ACVR1C: variants seen among roughly 807,000 people sequenced by gnomAD.
ACVR1C encodes activin A receptor type 1C.
ACVR1C carries 23 observed loss-of-function variants against 57.9 expected under a neutral mutation model. The ratio of observed to expected loss-of-function variants is 0.40; its 90% CI spans 0.29 to 0.56. ACVR1C has a LOEUF of 0.56. Among genes scored for constraint, ACVR1C ranks in the 20% least tolerant of loss-of-function variants. ACVR1C has a pLI of 0.50. For synonymous variants in ACVR1C, 214 were observed against 215.3 expected (o/e 0.99, Z 0.05); for missense variants, 480 against 607.9 (o/e 0.79, Z 2.21).
At position 157,578,116 on chromosome 2, in the gene ACVR1C, G is replaced by A. The variant is rs528629906; in HGVS notation, c.304+9071C>T. Among the ~76,000 whole-genome samples, 5 of 152,196 alleles carry A rather than the reference G, an allele frequency of 3.3e-5. No individual in the cohort carries two copies. In the South Asian group the frequency reaches 8.3e-4, roughly 25 times the overall value. ...AGCAGGGTCTTGCCATGTTGCCCAG[G>A]CTGATCTCAAACTCTTGAGCTCAAG... On this transcript the variant is annotated intron_variant, in intron 2 of 8. Transcript: ENST00000243349.
intron 1 of ACVR1C, among the ~76,000 whole-genome samples, chr2:157,606,515 C>G (rs1309773119): frequency 3.3e-5 from 5 of 151,836 alleles, no homozygotes; most frequent in Non-Finnish European, 5.9e-5. Context: ...GAGATGATAT[C>G]TCATGGTGGT....
chr2:157,609,972 T>C (rs561993087), intron 1 of ACVR1C, among the ~76,000 whole-genome samples: 2 of 152,100 alleles, frequency 1.3e-5, no homozygotes, highest in Admixed American at 6.5e-5. Context: ...ATTATTGATA[T>C]GTGAGGTTTT....
chr2:157,607,093 T>C (rs1682417662), intron 1 of ACVR1C, among the ~76,000 whole-genome samples: 1 of 151,900 alleles, frequency 6.6e-6, no homozygotes, highest in Non-Finnish European at 1.5e-5. Flanking sequence ...TGTGTATTCA[T>C]GGCAGCTTTT....
intron 2 of ACVR1C, among the ~76,000 whole-genome samples, chr2:157,564,068 T>G (rs1435736107): frequency 6.6e-6 from 1 of 152,194 alleles, no homozygotes; most frequent in Admixed American, 6.5e-5. Flanking sequence ...AAAGATTTCG[T>G]GATGAAAATG....
intron 3 of ACVR1C, among the ~76,000 whole-genome samples, chr2:157,551,503 A>G (rs1403567403): frequency 1.3e-5 from 2 of 152,226 alleles, no homozygotes; most frequent in Non-Finnish European, 2.9e-5. Context: ...TCTTATAAAT[A>G]TAAGTGTATC....
intron 1 of ACVR1C, among the ~76,000 whole-genome samples, chr2:157,603,205 A>G (rs1481902993): frequency 1.3e-5 from 2 of 152,216 alleles, no homozygotes; most frequent in African/African-American, 4.8e-5. Flanking sequence ...CTCCTACGCT[A>G]CATGGAAACT....
At position 157,532,323 on chromosome 2, in the gene ACVR1C, G is replaced by A. The variant is rs1436277966; in HGVS notation, c.*1595C>T. On this transcript the variant is annotated 3_prime_UTR_variant, in exon 9 of 9. Transcript: ENST00000243349. ...GGGTTCCACCACGATCAGGTAATCT[G>A]AGCAATCCAGTTTAAAAAAAAATCA... is the stretch of plus-strand genomic sequence containing the variant. The A allele has an allele frequency of 2.0e-5, 3 of 149,756 alleles. No homozygotes were observed. The highest frequency in any genetic ancestry group is 3.0e-5 in the Non-Finnish European group (2 of 67,656). 9.3% of individuals were successfully genotyped at this position (149,756 alleles called of 1,614,324 possible). A position where few individuals can be genotyped will look rare whatever the true frequency, so the allele number is the denominator to read the frequency against.
At chr2:157,581,011 A>G (rs1473329463) in intron 2 of ACVR1C, among the ~76,000 whole-genome samples, 1 of 152,206 alleles carries the variant, frequency 6.6e-6, no homozygotes, top group East Asian at 1.9e-4. Flanking sequence ...TATCCCTTAC[A>G]GGCAGGCTTA....
chr2:157,584,053 C>T (rs1222047793), intron 2 of ACVR1C, among the ~76,000 whole-genome samples: 1 of 151,788 alleles, frequency 6.6e-6, no homozygotes, highest in East Asian at 1.9e-4. Context: ...GTAAAAAATA[C>T]CTTCAAGAAA....
chr2:157,554,293 G>T (rs1328399039), intron 3 of ACVR1C, among the ~76,000 whole-genome samples: 1 of 111,702 alleles, frequency 9.0e-6, no homozygotes, highest in Non-Finnish European at 1.8e-5. Context: ...GAGAGAGAGA[G>T]AGAGAAAGAA....
At chr2:157,608,527 C>A (rs1682458815) in intron 1 of ACVR1C, among the ~76,000 whole-genome samples, 1 of 151,794 alleles carries the variant, frequency 6.6e-6, no homozygotes. Flanking sequence ...TCCTGCTCTT[C>A]CATTTTTTCT....
intron 1 of ACVR1C, among the ~76,000 whole-genome samples, chr2:157,591,146 G>A (rs940700533): frequency 2.0e-5 from 3 of 151,888 alleles, no homozygotes; most frequent in South Asian, 4.1e-4. Context: ...GAACTAGGGT[G>A]CAGAGACCAT....
Position 157,556,191 on chromosome 2 carries a change from G to A in ACVR1C, c.446C>T (p.Pro149Leu), listed in dbSNP as rs773621817. Reference sequence around the variant, plus strand: ...CTCAGAGAGTGGTTCCTCCACATTTGGTCTCTTTTTCTTCCTGTAGGAGCA... The same window carrying A: ...CTCAGAGAGTGGTTCCTCCACATTTAGTCTCTTTTTCTTCCTGTAGGAGCA... ...RQCSYRKKKRPNVEEPLSECN... is the reference protein window; with the variant it reads ...RQCSYRKKKRLNVEEPLSECN... Residue 149 changes from proline (P) to leucine (L), a missense_variant, in exon 3 of 9, where the codon CCA becomes CTA. Coordinates refer to ENST00000243349, the MANE Select transcript of ACVR1C (RefSeq NM_145259.3). The A allele has an allele frequency of 1.2e-6, 2 of 1,613,932 alleles. No individual in the cohort carries two copies. Among genetic ancestry groups the A allele is most frequent in the South Asian group, 2.2e-5 (2 of 91,070 alleles).
chr2:157,614,325 G>A lies in ACVR1C; in HGVS notation c.73+14247C>T, dbSNP rs573579879. 5.9e-5 allele frequency among the ~76,000 whole-genome samples: 9 copies of A among 152,156 alleles called. No homozygotes were observed. In the South Asian group the frequency reaches 1.7e-3, roughly 28 times the overall value. ...GTTCATTGCTTAATAAGTTCCTGTT[G>A]TTGATTTCTAGTTTGTTTCCATTAT... On this transcript the variant is annotated intron_variant, in intron 1 of 8. Transcript: ENST00000243349.
At chr2:157,624,378 A>G (rs1682853821) in intron 1 of ACVR1C, among the ~76,000 whole-genome samples, 1 of 152,222 alleles carries the variant, frequency 6.6e-6, no homozygotes, top group Non-Finnish European at 1.5e-5. Context: ...GTGCCAAGAA[A>G]AGTACAACAA....
chr2:157,549,772 T>A (rs1687865205), intron 4 of ACVR1C, among the ~76,000 whole-genome samples: 1 of 142,474 alleles, frequency 7.0e-6, no homozygotes, highest in Non-Finnish European at 1.5e-5. Context: ...GATCACGAGG[T>A]CAGGAGATCA....
At chr2:157,609,772 C>T (rs140828930) in intron 1 of ACVR1C, among the ~76,000 whole-genome samples, 30 of 152,094 alleles carry the variant, frequency 2.0e-4, no homozygotes, top group African/African-American at 3.1e-4. Context: ...ATAAGTATAA[C>T]GGCTCCTGTT....
rs1343696563 is a variant in ACVR1C at position 157,541,155 on chromosome 2, T to C, written c.1160A>G (p.Lys387Arg). 7 of 1,613,918 alleles carry C rather than the reference T, an allele frequency of 4.3e-6. No individual in the cohort carries two copies. The Admixed American group carries it at 5.0e-5, about 12-fold the overall frequency. The change falls in exon 7 of 9, where the codon AAA becomes AGA. Residue 387 changes from lysine to arginine, a missense_variant. Physicochemically the swap from Lys to Arg is conservative, Grantham distance 26. Coordinates refer to ENST00000243349, the MANE Select transcript of ACVR1C (RefSeq NM_145259.3). ...ACCAACAGAATAGATGTCAGCTCGT[T>C]TGAAGGACTCAAAGATATTCACATT... ...TMNVNIFESF[K>R]RADIYSVGLV...
chr2:157,577,364 T>A (rs1471583676), intron 2 of ACVR1C, among the ~76,000 whole-genome samples: 1 of 152,170 alleles, frequency 6.6e-6, no homozygotes, highest in Non-Finnish European at 1.5e-5. Flanking sequence ...TGCTGAAATC[T>A]CCCTCCGAGA....
Sources: allele counts gnomAD v4.1 joint callset (sites outside exome capture counted in the v4.1 genomes callset), GRCh38; gene constraint gnomAD v4.1.1; transcripts MANE v1.5; gene names NCBI Gene and HGNC (gene_info 2026-07-23, HGNC 2026-07-21).